YAP1: variants seen among roughly 807,000 people sequenced by gnomAD.
YAP1 encodes the protein Yes1 associated transcriptional regulator.
In YAP1, 5 loss-of-function variants were observed where a neutral mutation model predicts 56.9. That is an observed-to-expected ratio of 0.09 (90% CI 0.05 to 0.18). YAP1 has a LOEUF of 0.18. YAP1 is among the 10% of genes least tolerant of loss of function. The pLI, the probability that YAP1 is intolerant of heterozygous loss-of-function variation, is 1.00. For synonymous variants in YAP1, 265 were observed against 248.1 expected (o/e 1.07, Z -0.64); for missense variants, 539 against 651.8 (o/e 0.83, Z 1.88).
At chr11:102,158,157 T>C (rs1323491722) in intron 2 of YAP1, among the ~76,000 whole-genome samples, 2 of 152,208 alleles carry the variant, frequency 1.3e-5, no homozygotes, top group Non-Finnish European at 2.9e-5. Flanking sequence ...TTTTTTAGTT[T>C]AGAAGAAACA....
chr11:102,127,895 C>CACAT (rs1165441161), intron 2 of YAP1, among the ~76,000 whole-genome samples: 6 of 152,310 alleles, frequency 3.9e-5, no homozygotes, highest in Admixed American at 3.3e-4. Flanking sequence ...CATTTTGGAG[C>CACAT]TTTAAAATGT....
chr11:102,221,673 T>C (rs915855544), intron 6 of YAP1, among the ~76,000 whole-genome samples: 2 of 151,708 alleles, frequency 1.3e-5, no homozygotes, highest in Non-Finnish European at 2.9e-5. Context: ...CAGTGAGCTA[T>C]AATTGCATCA....
At chr11:102,160,601 C>T (rs1324507468) in intron 2 of YAP1, among the ~76,000 whole-genome samples, 7 of 152,080 alleles carry the variant, frequency 4.6e-5, no homozygotes, top group African/African-American at 1.7e-4. Flanking sequence ...TTAGAAAAAC[C>T]GTTTTTTACT....
chr11:102,195,596 A>G (rs1288575914), intron 4 of YAP1, among the ~76,000 whole-genome samples: 1 of 152,138 alleles, frequency 6.6e-6, no homozygotes, highest in African/African-American at 2.4e-5. Flanking sequence ...CTGTTCTCAG[A>G]TAGTGAGTGC....
At chr11:102,223,540 T>C (rs1303874980) in intron 6 of YAP1, 82 bp from the exon 7 acceptor site, 1 of 1,472,748 alleles carries the variant, frequency 6.8e-7, no homozygotes, top group Non-Finnish European at 9.2e-7. Context: ...ACGGTTACTC[T>C]GATGAACGTT....
intron 2 of YAP1, among the ~76,000 whole-genome samples, chr11:102,153,222 A>T (rs1733085280): frequency 6.6e-6 from 1 of 152,144 alleles, no homozygotes; most frequent in Non-Finnish European, 1.5e-5. Context: ...AGCCATTTTC[A>T]TAGTTCATCT....
chr11:102,223,735 A>G lies in YAP1; in HGVS notation c.1146A>G (p.Ser382=), dbSNP rs1950062793. The G allele has an allele frequency of 1.9e-6, 3 of 1,614,076 alleles. No individual in the cohort carries two copies. The highest frequency in any genetic ancestry group is 2.5e-6 in the Non-Finnish European group (3 of 1,179,992). Residue 382 remains serine (S), a synonymous_variant, in exon 7 of 9, where the codon TCA becomes TCG. Transcript: ENST00000282441. ...QELRTMTTNS[S]DPFLNSGTYH... ...TGAGAACAATGACGACCAATAGCTCAGATCCTTTCCTTAACAGGTTGGTGA... is the reference window on the plus strand; with the variant it reads ...TGAGAACAATGACGACCAATAGCTCGGATCCTTTCCTTAACAGGTTGGTGA...
intron 2 of YAP1, among the ~76,000 whole-genome samples, chr11:102,127,041 A>T (rs1164218749): frequency 6.6e-6 from 1 of 152,264 alleles, no homozygotes; most frequent in Non-Finnish European, 1.5e-5. Flanking sequence ...CAAAGCATTC[A>T]AAAGGTGACT....
intron 7 of YAP1, among the ~76,000 whole-genome samples, chr11:102,225,302 A>G (rs535993802): frequency 1.8e-4 from 28 of 152,288 alleles, no homozygotes; most frequent in African/African-American, 6.7e-4. Context: ...CCTGACCAAC[A>G]TGGCGAAACC....
intron 4 of YAP1, among the ~76,000 whole-genome samples, chr11:102,202,600 C>A (rs1948928746): frequency 6.6e-6 from 1 of 151,762 alleles, no homozygotes. Flanking sequence ...CTTACCTGTA[C>A]AAATTATGTT....
At chr11:102,130,057 G>A (rs1410804294) in intron 2 of YAP1, among the ~76,000 whole-genome samples, 3 of 152,134 alleles carry the variant, frequency 2.0e-5, no homozygotes, top group Non-Finnish European at 4.4e-5. Context: ...GATTATAGGC[G>A]TGAGCCACTG....
intron 4 of YAP1, among the ~76,000 whole-genome samples, chr11:102,188,313 A>G (rs1948093766): frequency 6.6e-6 from 1 of 152,212 alleles, no homozygotes; most frequent in Non-Finnish European, 1.5e-5. Context: ...GCTTAAGTCA[A>G]GTAGATGTGT....
At chr11:102,138,945 T>C (rs1374453747) in intron 2 of YAP1, among the ~76,000 whole-genome samples, 2 of 152,212 alleles carry the variant, frequency 1.3e-5, no homozygotes, top group Non-Finnish European at 2.9e-5. Flanking sequence ...TTCTTATGAA[T>C]GAACACTTAA....
intron 2 of YAP1, among the ~76,000 whole-genome samples, chr11:102,150,693 C>T (rs1222174110): frequency 6.6e-6 from 1 of 151,854 alleles, no homozygotes; most frequent in African/African-American, 2.4e-5. Flanking sequence ...ATGCTTTAAA[C>T]CTTAAAACAT....
At chr11:102,161,491 C>G (rs747606844) in intron 2 of YAP1, among the ~76,000 whole-genome samples, 1 of 151,926 alleles carries the variant, frequency 6.6e-6, no homozygotes, top group Admixed American at 6.6e-5. Flanking sequence ...ACATTTTCAG[C>G]AGCTGCATAC....
At position 102,110,839 on chromosome 11, in the gene YAP1, G is replaced by A. The variant is rs771905609; in HGVS notation, c.-10G>A. ...GGGTCAGGGGGTGCGCGTCGGGGGA[G>A]GCAGAAGCCATGGATCCCGGGCAGC... On this transcript the variant is annotated 5_prime_UTR_variant, in exon 1 of 9. Transcript: ENST00000282441. 67 of 1,399,294 alleles carry A rather than the reference G, an allele frequency of 4.8e-5. No individual in the cohort carries two copies. The highest frequency in any genetic ancestry group is 1.4e-4 in the Admixed American group (5 of 35,974). 86.7% of individuals were successfully genotyped at this position (1,399,294 alleles called of 1,614,324 possible). A position where few individuals can be genotyped will look rare whatever the true frequency, so the allele number is the denominator to read the frequency against.
intron 7 of YAP1, among the ~76,000 whole-genome samples, chr11:102,223,987 G>C (rs193254605): frequency 2.6e-5 from 4 of 152,300 alleles, no homozygotes; most frequent in African/African-American, 9.6e-5. Context: ...AAGTCATGAC[G>C]TGTTTGCTTC....
chr11:102,156,512 T>C (rs1327915785), intron 2 of YAP1, among the ~76,000 whole-genome samples: 1 of 152,238 alleles, frequency 6.6e-6, no homozygotes, highest in African/African-American at 2.4e-5. Flanking sequence ...TTTTTAGTTC[T>C]GCCATTTCTC....
intron 7 of YAP1, among the ~76,000 whole-genome samples, chr11:102,226,133 G>A (rs181648644): frequency 6.6e-6 from 1 of 152,234 alleles, no homozygotes; most frequent in Non-Finnish European, 1.5e-5. Flanking sequence ...ACTAGGACCA[G>A]GCTCTTGTCC....
Sources: gnomAD v4.1 joint callset for allele counts (sites outside exome capture counted in the v4.1 genomes callset) on GRCh38, gnomAD v4.1.1 for gene constraint, MANE v1.5 for transcripts, NCBI Gene and HGNC (gene_info 2026-07-23, HGNC 2026-07-21) for gene names.